FILIP1L: variants seen among roughly 807,000 people sequenced by gnomAD.
The protein encoded by FILIP1L is filamin A interacting protein 1 like, also known as filamin A-interacting protein 1-like.
FILIP1L carries 55 observed loss-of-function variants against 96.6 expected under a neutral mutation model. The ratio of observed to expected loss-of-function variants is 0.57; its 90% CI spans 0.46 to 0.71. The LOEUF (loss-of-function observed/expected upper bound fraction) is 0.71, where lower values mean the gene tolerates loss of function less well. Among genes scored for constraint, FILIP1L ranks in the 30% least tolerant of loss-of-function variants. The pLI, the probability that FILIP1L is intolerant of heterozygous loss-of-function variation, is 0.00. For synonymous variants in FILIP1L, 467 were observed against 473.9 expected (o/e 0.99, Z 0.19); for missense variants, 1,304 against 1,321.2 (o/e 0.99, Z 0.20).
chr3:99,942,586 C>G (rs867519140), intron 1 of FILIP1L, among the ~76,000 whole-genome samples: 1 of 152,196 alleles, frequency 6.6e-6, no homozygotes, highest in South Asian at 2.1e-4. Flanking sequence ...AATCCCAGCC[C>G]TTTGGGAGAC....
At chr3:100,109,088 A>T (rs1348135668) in intron 1 of FILIP1L, among the ~76,000 whole-genome samples, 12 of 49,108 alleles carry the variant, frequency 2.4e-4, no homozygotes, top group Non-Finnish European at 4.4e-4. Flanking sequence ...ACTGTCTCTT[A>T]AAAAAAAAAA....
chr3:99,846,841 T>C (rs1943386844), intron 5 of FILIP1L, among the ~76,000 whole-genome samples: 1 of 152,206 alleles, frequency 6.6e-6, no homozygotes, highest in Admixed American at 6.5e-5. Flanking sequence ...GGCAATAAAA[T>C]TAACCACACT....
At chr3:99,995,324 C>T (rs1709646286) in intron 1 of FILIP1L, among the ~76,000 whole-genome samples, 1 of 152,226 alleles carries the variant, frequency 6.6e-6, no homozygotes, top group African/African-American at 2.4e-5. Context: ...CCCCAGGTCT[C>T]ACATCCAGGT....
At chr3:99,926,944 C>T (rs960355327) in intron 3 of FILIP1L, among the ~76,000 whole-genome samples, 2 of 152,198 alleles carry the variant, frequency 1.3e-5, no homozygotes, top group Non-Finnish European at 1.5e-5. Flanking sequence ...AGTCTGTCCT[C>T]ATCACTGACA....
At chr3:99,962,613 T>C (rs921222962) in intron 1 of FILIP1L, among the ~76,000 whole-genome samples, 8 of 152,156 alleles carry the variant, frequency 5.3e-5, no homozygotes, top group African/African-American at 1.9e-4. Context: ...ATACACAGGA[T>C]TATAATTAAT....
chr3:100,055,087 C>G (rs1433590767), intron 1 of FILIP1L, among the ~76,000 whole-genome samples: 4 of 152,140 alleles, frequency 2.6e-5, no homozygotes, highest in African/African-American at 9.7e-5. Context: ...CTGGAAGTCT[C>G]CTGCCTCAGA....
chr3:99,999,945 G>T (rs1709794449), intron 1 of FILIP1L, among the ~76,000 whole-genome samples: 1 of 152,034 alleles, frequency 6.6e-6, no homozygotes, highest in Non-Finnish European at 1.5e-5. Flanking sequence ...TGACATAAAG[G>T]TATCTCTAGA....
intron 4 of FILIP1L, among the ~76,000 whole-genome samples, chr3:99,852,460 T>G (rs951268600): frequency 5.3e-5 from 8 of 152,126 alleles, no homozygotes; most frequent in Non-Finnish European, 8.8e-5. Context: ...TTTATTTTAT[T>G]TTTTGAAATT....
At chr3:99,915,191 T>C (rs929904000) in intron 4 of FILIP1L, among the ~76,000 whole-genome samples, 1 of 152,194 alleles carries the variant, frequency 6.6e-6, no homozygotes, top group Non-Finnish European at 1.5e-5. Flanking sequence ...ATGACCATGC[T>C]AACCGAAGGG....
intron 1 of FILIP1L, among the ~76,000 whole-genome samples, chr3:99,974,462 C>T (rs1173224932): frequency 6.6e-6 from 1 of 152,128 alleles, no homozygotes; most frequent in East Asian, 1.9e-4. Flanking sequence ...GTAATCACAG[C>T]ACTTTGGGAG....
At chr3:99,832,575 G>C (rs1372308868) in intron 5 of FILIP1L, among the ~76,000 whole-genome samples, 2 of 143,394 alleles carry the variant, frequency 1.4e-5, no homozygotes, top group East Asian at 4.3e-4. Flanking sequence ...TAGCGCAGTG[G>C]CTCATACCTG....
chr3:99,897,294 C>T (rs1322243788), intron 4 of FILIP1L, among the ~76,000 whole-genome samples: 2 of 151,722 alleles, frequency 1.3e-5, no homozygotes, highest in East Asian at 1.9e-4. Context: ...AGGAGGCCTC[C>T]GCGGGAGGAG....
chr3:99,859,044 T>C (rs1034152674), intron 4 of FILIP1L, among the ~76,000 whole-genome samples: 1 of 152,226 alleles, frequency 6.6e-6, no homozygotes, highest in Non-Finnish European at 1.5e-5. Flanking sequence ...TCTCTCCCAG[T>C]CCACAGAAAA....
intron 1 of FILIP1L, among the ~76,000 whole-genome samples, chr3:99,992,829 G>T (rs1303614277): frequency 6.6e-6 from 1 of 151,868 alleles, no homozygotes; most frequent in Non-Finnish European, 1.5e-5. Context: ...TCCATCTTGG[G>T]TTAATTTTTG....
At chr3:99,946,602 T>C (rs993866465) in intron 1 of FILIP1L, among the ~76,000 whole-genome samples, 21 of 152,232 alleles carry the variant, frequency 1.4e-4, no homozygotes, top group Non-Finnish European at 2.8e-4. Flanking sequence ...TGATGCCATT[T>C]TTTTTAGTGT....
At chr3:99,990,024 T>C (rs1709466152) in intron 1 of FILIP1L, among the ~76,000 whole-genome samples, 2 of 152,076 alleles carry the variant, frequency 1.3e-5, no homozygotes, top group Non-Finnish European at 2.9e-5. Flanking sequence ...GAAGTATGAG[T>C]CTTTAAATCC....
Position 99,930,760 on chromosome 3 carries a change from C to T in FILIP1L, c.252+9G>A, listed in dbSNP as rs570555872. ...GAAGCATGATGGGGATAACTCCAACCCAGCTGACCTGCAGTTCTCCCTCCA... is the reference window on the plus strand; with the variant it reads ...GAAGCATGATGGGGATAACTCCAACTCAGCTGACCTGCAGTTCTCCCTCCA... On this transcript the variant is annotated intron_variant, in intron 2 of 5. Coordinates refer to ENST00000477258, the MANE Select transcript of FILIP1L (RefSeq NM_001387850.1). 2 of 1,612,508 alleles carry T rather than the reference C, an allele frequency of 1.2e-6. No homozygotes were observed. Among genetic ancestry groups the T allele is most frequent in the East Asian group, 4.5e-5 (2 of 44,822 alleles).
chr3:100,062,841 G>C (rs906510951), intron 1 of FILIP1L, among the ~76,000 whole-genome samples: 6 of 152,182 alleles, frequency 3.9e-5, no homozygotes, highest in Admixed American at 6.5e-5. Context: ...TTACTGTGAT[G>C]ACTAGTCCCC....
At chr3:99,892,372 G>A (rs1332581790) in intron 4 of FILIP1L, among the ~76,000 whole-genome samples, 2 of 152,186 alleles carry the variant, frequency 1.3e-5, no homozygotes, top group East Asian at 3.8e-4. Flanking sequence ...GGTCTAGAAT[G>A]TGAGTAACCA....
Sources: gnomAD v4.1 joint callset for allele counts (sites outside exome capture counted in the v4.1 genomes callset) on GRCh38, gnomAD v4.1.1 for gene constraint, MANE v1.5 for transcripts, NCBI Gene and HGNC (gene_info 2026-07-23, HGNC 2026-07-21) for gene names.